PIEZO2: variants seen among roughly 807,000 people sequenced by gnomAD.
PIEZO2 encodes piezo-type mechanosensitive ion channel component 2.
PIEZO2 carries 172 observed loss-of-function variants against 337.3 expected under a neutral mutation model. The ratio of observed to expected loss-of-function variants is 0.51; its 90% CI spans 0.45 to 0.58. PIEZO2 has a LOEUF of 0.58. Among genes scored for constraint, PIEZO2 ranks in the 20% least tolerant of loss-of-function variants. The pLI is 0.00. For synonymous variants in PIEZO2, 1,251 were observed against 1,228.5 expected (o/e 1.02, Z -0.38); for missense variants, 3,028 against 3,391.3 (o/e 0.89, Z 2.66).
At chr18:10,913,111 A>T (rs1297724787) in intron 3 of PIEZO2, among the ~76,000 whole-genome samples, 1 of 152,152 alleles carries the variant, frequency 6.6e-6, no homozygotes, top group Non-Finnish European at 1.5e-5. Context: ...AATTCTTTTT[A>T]AAAATATTGT....
chr18:10,918,352 C>G (rs1252982304), intron 3 of PIEZO2, among the ~76,000 whole-genome samples: 1 of 152,040 alleles, frequency 6.6e-6, no homozygotes, highest in Non-Finnish European at 1.5e-5. Context: ...CTACCTAATA[C>G]TCTTGCAATG....
chr18:11,046,186 G>A (rs1013166425), intron 2 of PIEZO2, among the ~76,000 whole-genome samples: 12 of 152,164 alleles, frequency 7.9e-5, no homozygotes, highest in Non-Finnish European at 1.6e-4. Context: ...CTGCATGTGC[G>A]TGGGCCTTCA....
At chr18:10,990,575 A>G (rs1033098493) in intron 2 of PIEZO2, among the ~76,000 whole-genome samples, 1 of 152,068 alleles carries the variant, frequency 6.6e-6, no homozygotes. Flanking sequence ...GTTTACTTAT[A>G]AGACAAATAT....
intron 45 of PIEZO2, 69 bp from the exon 46 acceptor site, chr18:10,696,608 A>T (rs1310637512): frequency 1.9e-6 from 3 of 1,550,782 alleles, no homozygotes; most frequent in Non-Finnish European, 2.6e-6. Flanking sequence ...AAATGACCAG[A>T]CACTGCCATC....
Position 10,696,431 on chromosome 18 carries a change from C to T in PIEZO2, c.6936G>A (p.Val2312=), listed in dbSNP as rs779164613. The T allele has an allele frequency of 1.4e-5, 23 of 1,614,114 alleles. No individual in the cohort carries two copies. The highest frequency in any genetic ancestry group is 5.3e-5 in the African/African-American group (4 of 74,944). The stretch of plus-strand genomic sequence containing the variant: ...AGCCGAAGACAATGATGATGAAGTC[C>T]ACAGTGTCAGCCAGGAACATGAGTA... ...VYVLMFLADT[V]DFIIIVFGFW... is the part of the protein sequence containing the mutation. Residue 2312 remains valine, a synonymous_variant, in exon 46 of 56, where the codon GTG becomes GTA. Transcript: ENST00000674853.
Position 10,759,460 on chromosome 18 carries a change from G to A in PIEZO2, c.3757+22C>T. 2 of 1,518,298 alleles carry A rather than the reference G, an allele frequency of 1.3e-6. No individual in the cohort carries two copies. Among genetic ancestry groups the A allele is most frequent in the Non-Finnish European group, 1.8e-6 (2 of 1,130,622 alleles). The allele number at this position is 1,518,298 out of a possible 1,614,324, so 94.1% of individuals were successfully genotyped here. ...TAAACCCGGATACCAGCACTCTGTG[G>A]CCCTGCAGTGGAAACACTTACAGAC... is the stretch of plus-strand genomic sequence containing the variant. On this transcript the variant is annotated intron_variant, in intron 26 of 55. Transcript: ENST00000674853. The surrounding 1 kb of genome is among the most constrained non-coding windows in gnomAD (Gnocchi z 5.5).
rs1555634857 is a variant in PIEZO2, at chr18:10,737,294, A to AAAC, written c.4709-585_4709-584insGTT. Among the ~76,000 whole-genome samples the AAAC allele has an allele frequency of 2.8e-3, 412 of 146,206 alleles. 7 individuals are homozygous for AAAC. Among genetic ancestry groups the AAAC allele is most frequent in the East Asian group, 0.018 (93 of 5,134 alleles). ...ACATGGCAAGACATTTGAAAAAAAAAAAACAAAAAAACACGCACACACTGC... is the reference window on the plus strand; with the variant it reads ...ACATGGCAAGACATTTGAAAAAAAAAAACAAACAAAAAAACACGCACACACTGC... On this transcript the variant is annotated intron_variant, in intron 33 of 55. Transcript: ENST00000674853.
intron 48 of PIEZO2, among the ~76,000 whole-genome samples, chr18:10,690,839 A>C (rs2034786748): frequency 6.6e-6 from 1 of 152,224 alleles, no homozygotes; most frequent in East Asian, 1.9e-4. Context: ...TACTGTATAC[A>C]AAAAATTCTA....
At position 11,124,764 on chromosome 18, in the gene PIEZO2, C is replaced by A. The variant is rs2040134333; in HGVS notation, c.64+23761G>T. 2.0e-5 allele frequency among the ~76,000 whole-genome samples: 3 copies of A among 152,080 alleles called. No individual in the cohort carries two copies. The South Asian group carries it at 6.2e-4, about 32-fold the overall frequency. The stretch of plus-strand genomic sequence containing the variant: ...GAAAAACCCAGCAGGGAACTCTGGC[C>A]CCTTTACCTGCCCCTCAGAATAAAC... On this transcript the variant is annotated intron_variant, in intron 1 of 55. Coordinates refer to ENST00000674853, the MANE Select transcript of PIEZO2 (RefSeq NM_001378183.1).
At chr18:10,885,939 G>A (rs1219011890) in intron 4 of PIEZO2, among the ~76,000 whole-genome samples, 2 of 152,060 alleles carry the variant, frequency 1.3e-5, no homozygotes, top group East Asian at 3.9e-4. Context: ...TTCAAGTCAA[G>A]TACATAGGTT....
At chr18:10,935,699 G>A (rs547289574) in intron 3 of PIEZO2, among the ~76,000 whole-genome samples, 7 of 152,318 alleles carry the variant, frequency 4.6e-5, no homozygotes, top group East Asian at 1.9e-4. Context: ...AACTGGGGCC[G>A]CTGCTGAAGT....
rs1474908701 is a variant in PIEZO2, at chr18:10,871,484, T to G, written c.330-69A>C. ...ATATTTCTACGGTTAAACTGCCTTA[T>G]AGGATGTTTTGGTCTTCTTAATGAT... On this transcript the variant is annotated intron_variant, in intron 4 of 55. Coordinates refer to ENST00000674853, the MANE Select transcript of PIEZO2 (RefSeq NM_001378183.1). The G allele has an allele frequency of 2.9e-6, 4 of 1,369,998 alleles. No homozygotes were observed. The Admixed American group carries it at 7.4e-5, about 25-fold the overall frequency. The allele number at this position is 1,369,998 out of a possible 1,614,324, so 84.9% of individuals were successfully genotyped here.
chr18:10,966,429 C>A (rs992169488), intron 3 of PIEZO2, among the ~76,000 whole-genome samples: 2 of 152,204 alleles, frequency 1.3e-5, no homozygotes, highest in Non-Finnish European at 2.9e-5. Flanking sequence ...CCCTCTTCCA[C>A]ACAGATGGCC....
rs1683392 is a variant in PIEZO2 at position 10,821,083 on chromosome 18, T to C, written c.918-13809A>G. ...GACTCCTTGAAGATCTCTGGAGCTC[T>C]TTCTCTGTCTTTCTCCTCTCCATTA... On this transcript the variant is annotated intron_variant, in intron 7 of 55. Transcript: ENST00000674853. The surrounding 1 kb of genome is among the most constrained non-coding windows in gnomAD (Gnocchi z 4.2). 0.18 allele frequency among the ~76,000 whole-genome samples: 26,804 copies of C among 152,144 alleles called. 2,387 individuals are homozygous for C. The highest frequency in any genetic ancestry group is 0.24 in the Middle Eastern group (72 of 294).
At chr18:11,137,492 G>A (rs189476544) in intron 1 of PIEZO2, among the ~76,000 whole-genome samples, 2 of 152,338 alleles carry the variant, frequency 1.3e-5, no homozygotes, top group Admixed American at 1.3e-4. Context: ...TTGAAAAACA[G>A]AGAGTTTCTG....
intron 2 of PIEZO2, among the ~76,000 whole-genome samples, chr18:11,036,289 T>A (rs1475875899): frequency 6.6e-6 from 1 of 152,146 alleles, no homozygotes; most frequent in South Asian, 2.1e-4. Context: ...ATAAGCAGAA[T>A]TGATTCCAAG....
rs547977117 is a variant in PIEZO2 at position 10,847,495 on chromosome 18, G to A, written c.917+7858C>T. 2.2e-4 allele frequency among the ~76,000 whole-genome samples: 34 copies of A among 152,320 alleles called. No individual in the cohort carries two copies. Among genetic ancestry groups the A allele is most frequent in the South Asian group, 8.3e-4 (4 of 4,828 alleles). ...GGATAAACACGCAGTGCAAAGGCCC[G>A]TGGGCTCGGCGAGAAGCCACAGTTG... On this transcript the variant is annotated intron_variant, in intron 7 of 55. Transcript: ENST00000674853. This position sits in a 1 kb window ranked among gnomAD's most constrained non-coding sequence, Gnocchi z 5.7.
intron 7 of PIEZO2, among the ~76,000 whole-genome samples, chr18:10,849,535 G>GGCACCATCT (rs534564836): frequency 4.8e-4 from 73 of 152,254 alleles, no homozygotes; most frequent in African/African-American, 1.7e-3. Context: ...CTTTGCTCAG[G>GGCACCATCT]GCACCATCTG....
At chr18:10,764,103 T>C (rs937759304) in intron 21 of PIEZO2, among the ~76,000 whole-genome samples, 3 of 152,212 alleles carry the variant, frequency 2.0e-5, no homozygotes, top group Non-Finnish European at 4.4e-5. Context: ...TTCCCACATT[T>C]CTAGCAATTC....
Sources: allele counts gnomAD v4.1 joint callset (sites outside exome capture counted in the v4.1 genomes callset), GRCh38; gene constraint gnomAD v4.1.1; non-coding constraint Gnocchi (gnomAD v3.1); transcripts MANE v1.5; gene names NCBI Gene and HGNC (gene_info 2026-07-23, HGNC 2026-07-21).